The following RP2 variants were observed in gnomAD, a reference collection of about 807,000 sequenced individuals.
RP2 encodes the protein RP2 activator of ARL3 GTPase, also known as protein XRP2.
RP2 carries 3 observed loss-of-function variants against 20.3 expected under a neutral mutation model. That is an observed-to-expected ratio of 0.15 (90% CI 0.07 to 0.38). RP2 has a LOEUF of 0.38. Ranked by LOEUF, RP2 falls within the 10% of genes least tolerant of loss-of-function variation. RP2 has a pLI of 1.00. For missense variants in RP2, 233 were observed against 268.5 expected (o/e 0.87, Z 0.92); for synonymous variants, 75 against 94.8 (o/e 0.79, Z 1.22).
intron 3 of RP2, among the ~76,000 whole-genome samples, chrX:46,864,906 G>A (rs1290202360): frequency 1.8e-5 from 2 of 112,244 alleles, no homozygotes; most frequent in Admixed American, 1.9e-4. Flanking sequence ...ATAATGAAGG[G>A]CCTTGTAGGC....
Position 46,870,048 on chromosome X carries a change from C to G in RP2, c.884-7457C>G, listed in dbSNP as rs544972857. On this transcript the variant is annotated intron_variant, in intron 3 of 4. Coordinates refer to ENST00000218340, the MANE Select transcript of RP2 (RefSeq NM_006915.3). ...TTATCTAACACATTTTCTCATGAGG[C>G]ACATCACAACTTTCCTCAGTTTAGG... Among the ~76,000 whole-genome samples the G allele has an allele frequency of 1.2e-3, 135 of 112,351 alleles. 2 individuals are homozygous for G. The Middle Eastern group carries it at 0.018, about 15-fold the overall frequency.
rs148517937 is a variant in RP2 at position 46,860,026 on chromosome X, A to G, written c.807A>G (p.Glu269=). ...GCTTTTTCCTAGTTCAGACAAAGGAAGTGTCCATGAAAGCTGAGGATGCTC... is the reference window on the plus strand; with the variant it reads ...GCTTTTTCCTAGTTCAGACAAAGGAGGTGTCCATGAAAGCTGAGGATGCTC... ...GKGFFLVQTK[E]VSMKAEDAQR... Residue 269 remains glutamate (E), a synonymous_variant, in exon 3 of 5, where the codon GAA becomes GAG. Coordinates refer to ENST00000218340, the MANE Select transcript of RP2 (RefSeq NM_006915.3). 2.5e-6 allele frequency: 3 copies of G among 1,209,055 alleles called. No homozygotes were observed. In the African/African-American group the frequency reaches 5.2e-5, roughly 21 times the overall value.
rs1415120873 is a variant in RP2 at position 46,860,121 on chromosome X, G to A, written c.883+19G>A. 1.3e-5 allele frequency: 14 copies of A among 1,062,544 alleles called. No homozygotes were observed. The highest frequency in any genetic ancestry group is 1.7e-5 in the Non-Finnish European group (13 of 760,809). 87.6% of individuals were successfully genotyped at this position (1,062,544 alleles called of 1,213,427 possible). On this transcript the variant is annotated intron_variant, in intron 3 of 4. Transcript: ENST00000218340. ...AACAAAGGTACCTTCTGGATGATTG[G>A]TATACTTTTGTGGATATTTTCTTTA...
rs374068531 is a variant in RP2, at chrX:46,837,925, A to G, written c.102+723A>G. Among the ~76,000 whole-genome samples, 10 of 112,310 alleles carry G rather than the reference A, an allele frequency of 8.9e-5. No homozygotes were observed. In the East Asian group the frequency reaches 1.4e-3, roughly 16 times the overall value. ...AAAACGCCCTTATTTTTATTTTTGT[A>G]TATAGCCAGAAACGAAAAACCTTTG... On this transcript the variant is annotated intron_variant, in intron 1 of 4. Transcript: ENST00000218340.
At chrX:46,847,437 T>C (rs1924734800) in intron 1 of RP2, among the ~76,000 whole-genome samples, 3 of 109,406 alleles carry the variant, frequency 2.7e-5, no homozygotes, top group Non-Finnish European at 1.9e-5. Flanking sequence ...CTAGGAATTT[T>C]TTTTCTTTTT....
At position 46,878,091 on chromosome X, in the gene RP2, T is replaced by C. The variant is rs59694461; in HGVS notation, c.969+501T>C. On this transcript the variant is annotated intron_variant, in intron 4 of 4. Transcript: ENST00000218340. ...AGATATACATAGAAATCATCACATG[T>C]AGGCCGGGCGCGGTGGCTCACGCCT... Among the ~76,000 whole-genome samples, 377 of 111,195 alleles carry C rather than the reference T, an allele frequency of 3.4e-3. 3 individuals carry two copies. Among genetic ancestry groups the C allele is most frequent in the African/African-American group, 0.012 (354 of 30,663 alleles).
At chrX:46,879,062 TAAAAAAAAAAA>T (rs35579507) in intron 4 of RP2, among the ~76,000 whole-genome samples, 3 of 33,049 alleles carry the variant, frequency 9.1e-5, no homozygotes, top group African/African-American at 1.6e-4. Flanking sequence ...CTACAAAAAG[TAAAAAAAAAAA>T]AAAAAAAAAA....
chrX:46,849,080 G>T (rs2147079725), intron 1 of RP2, among the ~76,000 whole-genome samples: 1 of 110,938 alleles, frequency 9.0e-6, no homozygotes, highest in African/African-American at 3.3e-5. Flanking sequence ...GTGGCTCTTA[G>T]GAAAAAATAA....
intron 3 of RP2, among the ~76,000 whole-genome samples, chrX:46,876,979 A>C (rs1556327757): frequency 8.9e-6 from 1 of 112,231 alleles, no homozygotes; most frequent in Non-Finnish European, 1.9e-5. Context: ...ATGTAGCTTT[A>C]AGACACACTC....
chrX:46,873,367 G>A, intron 3 of RP2, among the ~76,000 whole-genome samples: 1 of 112,036 alleles, frequency 8.9e-6, no homozygotes, highest in Admixed American at 9.5e-5. Flanking sequence ...TGAATAAGAT[G>A]TTCATATTAA....
intron 3 of RP2, among the ~76,000 whole-genome samples, chrX:46,863,554 C>A (rs1474026046): frequency 8.9e-6 from 1 of 111,905 alleles, no homozygotes; most frequent in Non-Finnish European, 1.9e-5. Flanking sequence ...CTAAAAGTGG[C>A]CATCAGTCAT....
At chrX:46,864,037 C>T (rs1350809122) in intron 3 of RP2, among the ~76,000 whole-genome samples, 1 of 111,748 alleles carries the variant, frequency 8.9e-6, no homozygotes, top group East Asian at 2.8e-4. Flanking sequence ...TTCAGCCAGG[C>T]ACGGTGGCTC....
intron 1 of RP2, among the ~76,000 whole-genome samples, chrX:46,846,000 AG>A (rs1924708958): frequency 9.0e-6 from 1 of 111,392 alleles, no homozygotes; most frequent in African/African-American, 3.3e-5. Flanking sequence ...TCCTGAGCTC[AG>A]GTGATCCGCC....
At chrX:46,847,720 ATGTGTGTGTGTATATACACACATATG>A (rs1443924260) in intron 1 of RP2, among the ~76,000 whole-genome samples, 13 of 86,183 alleles carry the variant, frequency 1.5e-4, no homozygotes, top group Non-Finnish European at 2.4e-4. Context: ...ACACACATAT[ATGTGTGTGTGTATATACACACATATG>A]TGTGTGTGTA....
intron 3 of RP2, among the ~76,000 whole-genome samples, chrX:46,864,657 C>T (rs781815403): frequency 1.3e-3 from 150 of 111,213 alleles, no homozygotes; most frequent in African/African-American, 4.7e-3. Flanking sequence ...GTGATGCGTC[C>T]GCCTCAGCCT....
intron 2 of RP2, among the ~76,000 whole-genome samples, chrX:46,858,397 T>C (rs980975803): frequency 7.1e-5 from 8 of 112,109 alleles, no homozygotes; most frequent in Non-Finnish European, 1.5e-4. Context: ...ATGTTCTGTG[T>C]TGAGAATATA....
chrX:46,870,835 A>G (rs1051956896), intron 3 of RP2, among the ~76,000 whole-genome samples: 6 of 111,489 alleles, frequency 5.4e-5, no homozygotes, highest in Non-Finnish European at 1.1e-4. Context: ...AGGGATCTGC[A>G]TATAATGAGG....
At chrX:46,875,851 A>G (rs949053070) in intron 3 of RP2, among the ~76,000 whole-genome samples, 17 of 111,955 alleles carry the variant, frequency 1.5e-4, no homozygotes, top group African/African-American at 5.5e-4. Context: ...TGATATTTAG[A>G]AATACATGTT....
chrX:46,867,389 C>G (rs181595700), intron 3 of RP2, among the ~76,000 whole-genome samples: 3 of 113,134 alleles, frequency 2.7e-5, no homozygotes, highest in African/African-American at 9.6e-5. Context: ...GCGTGAGCCA[C>G]CGCTCCTAGC....
Sources: gnomAD v4.1 joint callset for allele counts (sites outside exome capture counted in the v4.1 genomes callset) on GRCh38, gnomAD v4.1.1 for gene constraint, MANE v1.5 for transcripts, NCBI Gene and HGNC (gene_info 2026-07-23, HGNC 2026-07-21) for gene names.